The following STK32A variants were observed in gnomAD, a reference collection of about 807,000 sequenced individuals.
The protein encoded by STK32A is serine/threonine kinase 32A, also known as serine/threonine-protein kinase 32A.
STK32A carries 41 observed loss-of-function variants against 53.2 expected under a neutral mutation model. The observed-to-expected ratio is 0.77, with a 90% CI of 0.60 to 1.00. The LOEUF (loss-of-function observed/expected upper bound fraction) is 1.00, where lower values mean the gene tolerates loss of function less well. Ranked by LOEUF, STK32A falls within the 50% of genes least tolerant of loss-of-function variation. The pLI is 0.00. For missense variants in STK32A, 458 were observed against 485.8 expected (o/e 0.94, Z 0.54); for synonymous variants, 166 against 162.8 (o/e 1.02, Z -0.15).
intron 10 of STK32A, among the ~76,000 whole-genome samples, 167 bp downstream of exon 10, chr5:147,373,461 C>T (rs1000410517): frequency 1.3e-5 from 2 of 152,140 alleles, no homozygotes; most frequent in Non-Finnish European, 2.9e-5. Flanking sequence ...AAGTTTGTCA[C>T]CAAAGGTCAC....
intron 4 of STK32A, among the ~76,000 whole-genome samples, chr5:147,285,986 T>C (rs1419586192): frequency 1.3e-5 from 2 of 152,062 alleles, no homozygotes; most frequent in African/African-American, 4.8e-5. Context: ...AAAAGATACT[T>C]ACACATGCAT....
chr5:147,244,790 A>G (rs1371221367), intron 2 of STK32A, among the ~76,000 whole-genome samples: 5 of 152,204 alleles, frequency 3.3e-5, no homozygotes, highest in African/African-American at 1.2e-4. Flanking sequence ...GCAGGTAATA[A>G]TTGGGCATAC....
At chr5:147,318,731 G>A (rs1188551594) in intron 4 of STK32A, among the ~76,000 whole-genome samples, 2 of 150,492 alleles carry the variant, frequency 1.3e-5, no homozygotes, top group African/African-American at 2.5e-5. Context: ...AGCTATGACT[G>A]TGCCACTGCA....
At chr5:147,263,014 C>A (rs1273730120) in intron 2 of STK32A, among the ~76,000 whole-genome samples, 1 of 152,144 alleles carries the variant, frequency 6.6e-6, no homozygotes, top group African/African-American at 2.4e-5. Flanking sequence ...AAAAATTCTC[C>A]ACTCCATACT....
intron 4 of STK32A, among the ~76,000 whole-genome samples, chr5:147,299,777 T>C (rs1753040946): frequency 2.6e-5 from 4 of 152,224 alleles, no homozygotes; most frequent in Admixed American, 6.5e-5. Flanking sequence ...TCTAACTTGT[T>C]CGCCAAAAAT....
chr5:147,253,627 A>C (rs1754097328), intron 2 of STK32A, among the ~76,000 whole-genome samples: 1 of 152,140 alleles, frequency 6.6e-6, no homozygotes, highest in Non-Finnish European at 1.5e-5. Context: ...AGGTGCTGGG[A>C]TTACAGGCAT....
intron 3 of STK32A, among the ~76,000 whole-genome samples, chr5:147,278,989 A>C (rs1751904886): frequency 6.6e-6 from 1 of 152,186 alleles, no homozygotes; most frequent in African/African-American, 2.4e-5. Flanking sequence ...ATTTTCACCA[A>C]AATGCTGTCT....
chr5:147,295,634 C>A (rs924885876), intron 4 of STK32A, among the ~76,000 whole-genome samples: 1 of 152,158 alleles, frequency 6.6e-6, no homozygotes, highest in African/African-American at 2.4e-5. Context: ...AGAACTCATT[C>A]ATATATTTTT....
intron 4 of STK32A, among the ~76,000 whole-genome samples, chr5:147,282,793 A>C (rs1752125055): frequency 6.6e-6 from 1 of 152,208 alleles, no homozygotes; most frequent in Non-Finnish European, 1.5e-5. Context: ...CAAATTTATA[A>C]AACAATTACT....
intron 4 of STK32A, among the ~76,000 whole-genome samples, chr5:147,285,660 T>C (rs1361052938): frequency 6.6e-6 from 1 of 152,012 alleles, no homozygotes; most frequent in Admixed American, 6.6e-5. Flanking sequence ...AAAGAAGATA[T>C]ACAAATGGCC....
intron 4 of STK32A, among the ~76,000 whole-genome samples, chr5:147,303,926 T>C (rs1016458841): frequency 5.3e-5 from 8 of 152,222 alleles, no homozygotes; most frequent in South Asian, 2.1e-4. Context: ...AACAGGAAGC[T>C]GAGTCTTTAT....
chr5:147,397,150 G>C, the STK32A span, among the ~76,000 whole-genome samples: 1 of 112,904 alleles, frequency 8.9e-6, no homozygotes, highest in African/African-American at 4.0e-5. Context: ...GCATACATTT[G>C]CACACATGTA....
rs1023634392 is a variant in STK32A at position 147,249,151 on chromosome 5, T to C, written c.52+9465T>C. Among the ~76,000 whole-genome samples the C allele has an allele frequency of 2.8e-5, 4 of 143,140 alleles. No homozygotes were observed. In the Admixed American group the frequency reaches 2.9e-4, roughly 11 times the overall value. 93.9% of individuals were successfully genotyped at this position (143,140 alleles called of 152,430 possible). A position where few individuals can be genotyped will look rare whatever the true frequency, so the allele number is the denominator to read the frequency against. On this transcript the variant is annotated intron_variant, in intron 2 of 12. Transcript: ENST00000397936. ...TATTAAACCTATTAAAATTTAATTTTAAGATTATGTCATTTTTTGTATGTG... is the reference window on the plus strand; with the variant it reads ...TATTAAACCTATTAAAATTTAATTTCAAGATTATGTCATTTTTTGTATGTG...
chr5:147,380,959 C>T (rs952622843), intron 11 of STK32A, among the ~76,000 whole-genome samples: 1 of 152,160 alleles, frequency 6.6e-6, no homozygotes, highest in Non-Finnish European at 1.5e-5. Flanking sequence ...TTACAATAAT[C>T]TTGGCTTTCG....
rs147532948 is a variant in STK32A at position 147,363,987 on chromosome 5, G to A, written c.660+2373G>A. On this transcript the variant is annotated intron_variant, in intron 8 of 12. Transcript: ENST00000397936. ...TCCCAGCACTTTAGAAGGCTGAGGC[G>A]GGCAGATCACCTGAGGTCAGTAATT... Among the ~76,000 whole-genome samples, 109 of 152,108 alleles carry A rather than the reference G, an allele frequency of 7.2e-4. 1 individual carries two copies. The highest frequency in any genetic ancestry group is 2.3e-3 in the African/African-American group (97 of 41,512).
At chr5:147,235,496 CT>C (rs2151935308) in intron 1 of STK32A, among the ~76,000 whole-genome samples, 1 of 152,328 alleles carries the variant, frequency 6.6e-6, no homozygotes, top group Non-Finnish European at 1.5e-5. Context: ...CAAAACCTAG[CT>C]GCCTTTGATG....
At chr5:147,395,780 A>G in the STK32A span, 5 of 1,589,908 alleles carry the variant, frequency 3.1e-6, no homozygotes, top group Non-Finnish European at 4.3e-6. Flanking sequence ...GGTCTGTTCT[A>G]GGTATCATAA....
intron 11 of STK32A, among the ~76,000 whole-genome samples, chr5:147,381,644 A>G (rs1757458161): frequency 6.7e-6 from 1 of 150,118 alleles, no homozygotes; most frequent in Non-Finnish European, 1.5e-5. Flanking sequence ...GTCTGTCAGA[A>G]AAAAAAAAAA....
chr5:147,279,518 C>T (rs1751948597), intron 4 of STK32A, 120 bp downstream of exon 4: 2 of 830,174 alleles, frequency 2.4e-6, no homozygotes, highest in Admixed American at 3.0e-5. Flanking sequence ...GACACAATTG[C>T]AAGAAAGAGT....
Sources: gnomAD v4.1 joint callset for allele counts (sites outside exome capture counted in the v4.1 genomes callset) on GRCh38, gnomAD v4.1.1 for gene constraint, MANE v1.5 for transcripts, NCBI Gene and HGNC (gene_info 2026-07-23, HGNC 2026-07-21) for gene names.